The following NXF1 variants were observed in gnomAD, a reference collection of about 807,000 sequenced individuals.
NXF1 encodes nuclear RNA export factor 1.
Under a neutral mutation model 92.4 loss-of-function variants are expected in NXF1, and 43 were observed. The observed-to-expected ratio is 0.47, with a 90% CI of 0.36 to 0.60. The LOEUF (loss-of-function observed/expected upper bound fraction) is 0.60. Ranked by LOEUF, NXF1 falls within the 20% of genes least tolerant of loss-of-function variation. NXF1 has a pLI of 0.00. For missense variants in NXF1, 576 were observed against 793.0 expected, an observed-to-expected ratio of 0.73 and a Z score of 3.29; for synonymous variants, 288 against 292.2, an observed-to-expected ratio of 0.99 and a Z score of 0.15.
intron 13 of NXF1, 69 bp from the exon 14 acceptor site, chr11:62,796,636 C>A: frequency 9.5e-7 from 1 of 1,054,858 alleles, no homozygotes; most frequent in East Asian, 2.4e-5. Flanking sequence ...CAGTAGCTCC[C>A]AAGAGTGAGT....
intron 10 of NXF1, chr11:62,800,032 T>C (rs1293395101): frequency 2.8e-6 from 3 of 1,059,394 alleles, no homozygotes; most frequent in African/African-American, 3.3e-5. Flanking sequence ...GGCAACCCCA[T>C]CTATAGGGTA....
intron 11 of NXF1, 144 bp from the exon 12 acceptor site, chr11:62,797,530 C>G: frequency 1.5e-6 from 1 of 680,776 alleles, no homozygotes; most frequent in South Asian, 1.9e-5. Flanking sequence ...GTGGCAAAAC[C>G]CATCTCTACC....
At chr11:62,795,051 T>C (rs1277407269) in intron 17 of NXF1, 44 bp from the exon 18 acceptor site, 8 of 1,560,340 alleles carry the variant, frequency 5.1e-6, no homozygotes, top group Admixed American at 3.4e-5. Context: ...ACTAGTGCTT[T>C]ATGTTTACAA....
At position 62,792,250 on chromosome 11, in the gene NXF1, T is replaced by A; in HGVS notation, c.*226A>T. ...AAGCACCTAAGTCCTTCGGGTAGTT[T>A]AGTGTCAGTTCTACAAAGTAAGCTT... On this transcript the variant is annotated 3_prime_UTR_variant, in exon 21 of 21. Transcript: ENST00000294172. 1.4e-6 allele frequency: 1 copy of A among 692,538 alleles called. No individual in the cohort carries two copies. The highest frequency in any genetic ancestry group is 2.5e-6 in the Non-Finnish European group (1 of 399,340). The allele number at this position is 692,538 out of a possible 1,614,324, so 42.9% of individuals were successfully genotyped here. A position where few individuals can be genotyped will look rare whatever the true frequency, so the allele number is the denominator to read the frequency against.
intron 19 of NXF1, 74 bp from the exon 20 acceptor site, chr11:62,792,775 G>A (rs760734565): frequency 4.8e-6 from 7 of 1,446,480 alleles, no homozygotes; most frequent in Admixed American, 3.5e-5. Flanking sequence ...CTCCATAAAA[G>A]CACCCAAGTT....
intron 18 of NXF1, chr11:62,794,731 C>T: frequency 1.7e-6 from 1 of 598,500 alleles, no homozygotes; most frequent in African/African-American, 1.8e-5. Flanking sequence ...AGCCTACTTG[C>T]TAGAAGTGGT....
intron 18 of NXF1, 170 bp downstream of exon 18, chr11:62,794,765 G>T: frequency 3.1e-6 from 2 of 635,754 alleles, no homozygotes; most frequent in African/African-American, 1.8e-5. Context: ...AAACCCAGAC[G>T]GTACAATTCC....
At position 62,796,144 on chromosome 11, in the gene NXF1, G is replaced by A. The variant is rs770990237; in HGVS notation, c.1383C>T (p.Asn461=). The A allele has an allele frequency of 5.6e-6, 9 of 1,614,168 alleles. No homozygotes were observed. The highest frequency in any genetic ancestry group is 2.2e-5 in the South Asian group (2 of 91,086). Residue 461 remains asparagine, a synonymous_variant, in exon 16 of 21, where the codon AAC becomes AAT. Coordinates refer to ENST00000294172, the MANE Select transcript of NXF1 (RefSeq NM_006362.5). ...GCAACTCATTGAGGAAGGCAACAAC[G>A]TTGAGACGCGTGTGCTTCAGCAGCC... ...RFRLLKHTRL[N]VVAFLNELPK...
In NXF1 at chr11:62,795,002, C is replaced by G. The variant is rs367658652; in HGVS notation, c.1510G>C (p.Gly504Arg). The change falls in exon 18 of 21, where the codon GGA becomes CGA. Residue 504 changes from glycine to arginine, a missense_variant. Physicochemically the swap from Gly to Arg is moderately radical, Grantham distance 125. This residue lies in a region of NXF1 where 425 missense variants were observed against 635.2 expected (regional missense o/e 0.67). Coordinates refer to ENST00000294172, the MANE Select transcript of NXF1 (RefSeq NM_006362.5). Reference sequence around the variant, plus strand: ...GCTCGCAAAGAATCCCGGGACTTTCCGTCCACTGCAATAAGAACAGCAACA... The same window carrying G: ...GCTCGCAAAGAATCCCGGGACTTTCGGTCCACTGCAATAAGAACAGCAACA... ...SVNGVFKEVD[G>R]KSRDSLRAFT... 6.2e-7 allele frequency: 1 copy of G among 1,614,064 alleles called. No homozygotes were observed.
rs2084430599 is a variant in NXF1 at position 62,797,177 on chromosome 11, A to G, written c.1178+6T>C. On this transcript the variant is annotated splice_donor_region_variant and intron_variant, in intron 13 of 20. Coordinates refer to ENST00000294172, the MANE Select transcript of NXF1 (RefSeq NM_006362.5). ...GGGTGGGGAGGGGGGACCCTGGGAT[A>G]CTTACTGTTGCAGGAAGTGCAAGAC... 3 of 1,613,864 alleles carry G rather than the reference A, an allele frequency of 1.9e-6. No homozygotes were observed. The African/African-American group carries it at 4.0e-5, about 22-fold the overall frequency.
chr11:62,798,985 A>AT, intron 10 of NXF1: 1 of 1,020,682 alleles, frequency 9.8e-7, no homozygotes, highest in Non-Finnish European at 1.2e-6. Flanking sequence ...GGCTTTGGCC[A>AT]AGACCCAAAC....
intron 19 of NXF1, among the ~76,000 whole-genome samples, chr11:62,793,782 G>C (rs1447954697): frequency 2.3e-5 from 3 of 132,840 alleles, no homozygotes; most frequent in African/African-American, 8.8e-5. Context: ...AGGAGTTCGA[G>C]ACCAGCCTGG....
rs1565201373 is a variant in NXF1, at chr11:62,802,027, C to T, written c.473G>A (p.Arg158Gln). The T allele has an allele frequency of 4.3e-6, 7 of 1,614,052 alleles. No individual in the cohort carries two copies. The highest frequency in any genetic ancestry group is 1.7e-5 in the Admixed American group (1 of 60,006). ...TPIEFHYENT[R>Q]AQFFVEDAST... Reference sequence around the variant, plus strand: ...GGCGTCTTCAACGAAGAACTGGGCCCGTGTATTCTCATAGTGAAACTACAA... The same window carrying T: ...GGCGTCTTCAACGAAGAACTGGGCCTGTGTATTCTCATAGTGAAACTACAA... The change falls in exon 5 of 21, where the codon CGG becomes CAG. Residue 158 changes from arginine to glutamine, a missense_variant. By Grantham distance (43) the Arg-to-Gln change is conservative. Around this residue, in one of 2 missense-constraint regions of NXF1, gnomAD observed 425 missense variants for 635.2 expected, o/e 0.67. Transcript: ENST00000294172.
At chr11:62,794,897 T>C in intron 18 of NXF1, 38 bp downstream of exon 18, 1 of 1,590,664 alleles carries the variant, frequency 6.3e-7, no homozygotes, top group Non-Finnish European at 8.6e-7. Context: ...TGGCCATGGA[T>C]TAGGACTGGT....
Position 62,805,438 on chromosome 11 carries a change from A to C in NXF1, c.-82T>G. The stretch of plus-strand genomic sequence containing the variant: ...CTAACTCCCAAGCGCTCAGGACCGA[A>C]GTGTCCCTACGCCGGGCGCCACCGC... On this transcript the variant is annotated 5_prime_UTR_variant, in exon 1 of 21. Coordinates refer to ENST00000294172, the MANE Select transcript of NXF1 (RefSeq NM_006362.5). The C allele has an allele frequency of 6.3e-7, 1 of 1,590,216 alleles. No homozygotes were observed. Among genetic ancestry groups the C allele is most frequent in the Non-Finnish European group, 8.6e-7 (1 of 1,165,862 alleles).
At position 62,805,317 on chromosome 11, in the gene NXF1, A is replaced by C. The variant is rs751488918; in HGVS notation, c.28+12T>G. 3 of 1,607,648 alleles carry C rather than the reference A, an allele frequency of 1.9e-6. No homozygotes were observed. The highest frequency in any genetic ancestry group is 2.5e-6 in the Non-Finnish European group (3 of 1,177,426). On this transcript the variant is annotated intron_variant, in intron 1 of 20. Coordinates refer to ENST00000294172, the MANE Select transcript of NXF1 (RefSeq NM_006362.5). ...CAGATAGCCAGTTCCCGACCCGAAG[A>C]CCAGCACTTACCGCTGTACGACTTC... is the stretch of plus-strand genomic sequence containing the variant.
In NXF1 at chr11:62,796,123, C is replaced by T; in HGVS notation, c.1404G>A (p.Glu468=). Residue 468 remains glutamate (E), a synonymous_variant, in exon 16 of 21, where the codon GAG becomes GAA. Coordinates refer to ENST00000294172, the MANE Select transcript of NXF1 (RefSeq NM_006362.5). ...TRLNVVAFLN[E]LPKTQHDVNS... ...TGACGTCGTGCTGGGTTTTGGGCAA[C>T]TCATTGAGGAAGGCAACAACGTTGA... is the stretch of plus-strand genomic sequence containing the variant. The T allele has an allele frequency of 6.2e-7, 1 of 1,613,952 alleles. No individual in the cohort carries two copies. Among genetic ancestry groups the T allele is most frequent in the African/African-American group, 1.3e-5 (1 of 74,948 alleles).
chr11:62,802,827 A>G (rs1167098280), intron 3 of NXF1, among the ~76,000 whole-genome samples: 1 of 151,576 alleles, frequency 6.6e-6, no homozygotes, highest in Admixed American at 6.6e-5. Flanking sequence ...CCCCTCAGAG[A>G]ACTCCAGGGC....
chr11:62,794,949 A>G lies in NXF1; in HGVS notation c.1563T>C (p.Pro521=), dbSNP rs1377930849. 6.2e-7 allele frequency: 1 copy of G among 1,614,210 alleles called. No homozygotes were observed. The highest frequency in any genetic ancestry group is 1.3e-5 in the African/African-American group (1 of 75,074). ...AGAATACTTACCCTGAATTGCTAGC[A>G]GGAACAGCAATGAATGTCCGGGTGA... ...RAFTRTFIAV[P]ASNSGLCIVN... Residue 521 remains proline (P), a synonymous_variant, in exon 18 of 21, where the codon CCT becomes CCC. Transcript: ENST00000294172.
Sources: gnomAD v4.1 joint callset for allele counts (sites outside exome capture counted in the v4.1 genomes callset) on GRCh38, gnomAD v4.1.1 for gene constraint, gnomAD v4.1.1 regional missense constraint, MANE v1.5 for transcripts, NCBI Gene and HGNC (gene_info 2026-07-23, HGNC 2026-07-21) for gene names.